GMDS: variants seen among roughly 807,000 people sequenced by gnomAD.
GMDS encodes the protein GDP-mannose 4,6-dehydratase.
A neutral mutation model predicts 49.9 loss-of-function variants in GMDS; 20 were observed. The ratio of observed to expected loss-of-function variants is 0.40; its 90% CI spans 0.28 to 0.58. GMDS has a LOEUF of 0.58. Among genes scored for constraint, GMDS ranks in the 20% least tolerant of loss-of-function variants. The pLI is 0.42. For synonymous variants in GMDS, 177 were observed against 178.6 expected (o/e 0.99, Z 0.07); for missense variants, 362 against 481.4 (o/e 0.75, Z 2.32).
chr6:1,746,631 T>C (rs1299023219), intron 7 of GMDS, among the ~76,000 whole-genome samples: 1 of 152,238 alleles, frequency 6.6e-6, no homozygotes, highest in East Asian at 1.9e-4. Context: ...TCTGTAAGTA[T>C]ATAATTAATC....
intron 7 of GMDS, among the ~76,000 whole-genome samples, chr6:1,810,016 A>AC (rs1271226400): frequency 7.9e-6 from 1 of 125,904 alleles, no homozygotes; most frequent in Non-Finnish European, 1.7e-5. Flanking sequence ...AATGTGGTTA[A>AC]CAGTTCCTTC....
At chr6:1,784,614 T>C (rs1461064612) in intron 7 of GMDS, among the ~76,000 whole-genome samples, 1 of 152,030 alleles carries the variant, frequency 6.6e-6, no homozygotes, top group Non-Finnish European at 1.5e-5. Context: ...GGGAGATGGA[T>C]GGTAGAGAAA....
chr6:1,721,629 A>C (rs1033524539), intron 9 of GMDS, among the ~76,000 whole-genome samples: 1 of 152,132 alleles, frequency 6.6e-6, no homozygotes, highest in Admixed American at 6.5e-5. Flanking sequence ...TGACTGAAAA[A>C]AATCTCTTTG....
At chr6:2,133,028 C>T (rs550717919) in intron 1 of GMDS, among the ~76,000 whole-genome samples, 1 of 152,304 alleles carries the variant, frequency 6.6e-6, no homozygotes, top group South Asian at 2.1e-4. Context: ...CCCTTTCTCA[C>T]TATCTCTCAA....
chr6:2,026,992 AAAATCCCCCAG>A (rs1296110595), intron 4 of GMDS, among the ~76,000 whole-genome samples: 2 of 152,218 alleles, frequency 1.3e-5, no homozygotes, highest in East Asian at 3.8e-4. Flanking sequence ...AATATACCAA[AAAATCCCCCAG>A]AAATTATGGA....
At chr6:1,975,536 G>A (rs943931241) in intron 4 of GMDS, among the ~76,000 whole-genome samples, 2 of 152,164 alleles carry the variant, frequency 1.3e-5, no homozygotes, top group African/African-American at 2.4e-5. Flanking sequence ...AGTAGATCCT[G>A]TCAATGGCCA....
intron 10 of GMDS, 37 bp downstream of exon 10, chr6:1,624,435 C>G: frequency 6.3e-7 from 1 of 1,577,792 alleles, no homozygotes; most frequent in Non-Finnish European, 8.7e-7. Context: ...AGCCCGGGGC[C>G]CCGCAGCGGG....
chr6:1,671,866 T>C (rs763173024), intron 9 of GMDS, among the ~76,000 whole-genome samples: 2 of 152,134 alleles, frequency 1.3e-5, no homozygotes, highest in South Asian at 2.1e-4. Context: ...GGTTTCACCA[T>C]GTTGGCCAGG....
At position 2,032,399 on chromosome 6, in the gene GMDS, T is replaced by C. The variant is rs577289976; in HGVS notation, c.346-71433A>G. On this transcript the variant is annotated intron_variant, in intron 4 of 10. Transcript: ENST00000380815. ...AATCTGCAAGCCTTCTCAGGAAATC[T>C]ACAGAATTTCATGGATATAATTTGT... Among the ~76,000 whole-genome samples the C allele has an allele frequency of 2.6e-5, 4 of 152,248 alleles. No homozygotes were observed. In the East Asian group the frequency reaches 7.7e-4, roughly 29 times the overall value.
intron 1 of GMDS, among the ~76,000 whole-genome samples, chr6:2,149,901 C>A (rs73418780): frequency 6.6e-6 from 1 of 151,836 alleles, no homozygotes; most frequent in Non-Finnish European, 1.5e-5. Context: ...CTTTCTCTTT[C>A]TTTTTTTCAT....
In GMDS at chr6:1,921,845, A is replaced by G. The variant is rs140934998; in HGVS notation, c.771+8258T>C. 3.0e-4 allele frequency among the ~76,000 whole-genome samples: 45 copies of G among 152,332 alleles called. No homozygotes were observed. The East Asian group carries it at 5.2e-3, about 18-fold the overall frequency. ...ATTTGTATTTCTTGGAATATTTTTC[A>G]AAGAGAGTATATTAAATAGCTCCAC... On this transcript the variant is annotated intron_variant, in intron 7 of 10. Transcript: ENST00000380815.
At chr6:1,909,509 T>G (rs1760941864) in intron 7 of GMDS, among the ~76,000 whole-genome samples, 1 of 152,208 alleles carries the variant, frequency 6.6e-6, no homozygotes, top group Non-Finnish European at 1.5e-5. Context: ...TTGCTGTGAG[T>G]GTAAGCTGCC....
At chr6:1,945,932 C>T (rs1194774919) in intron 6 of GMDS, among the ~76,000 whole-genome samples, 1 of 152,124 alleles carries the variant, frequency 6.6e-6, no homozygotes, top group Non-Finnish European at 1.5e-5. Context: ...AGGATAGTGT[C>T]TATAAACTAA....
chr6:2,182,810 A>G (rs568395347), intron 1 of GMDS, among the ~76,000 whole-genome samples: 1 of 152,284 alleles, frequency 6.6e-6, no homozygotes, highest in East Asian at 1.9e-4. Context: ...GGCTCAAGTC[A>G]TCCTCCCACC....
chr6:1,664,733 T>C (rs1489651352), intron 9 of GMDS, among the ~76,000 whole-genome samples: 1 of 152,210 alleles, frequency 6.6e-6, no homozygotes, highest in Non-Finnish European at 1.5e-5. Flanking sequence ...TGTTTAATAA[T>C]GTAAGCATAA....
At chr6:1,928,806 TA>T (rs1328149629) in intron 7 of GMDS, among the ~76,000 whole-genome samples, 1 of 151,882 alleles carries the variant, frequency 6.6e-6, no homozygotes, top group Non-Finnish European at 1.5e-5. Flanking sequence ...CCATCTCTGC[TA>T]AAAAAACAAA....
At chr6:1,697,962 G>A (rs377214665) in intron 9 of GMDS, among the ~76,000 whole-genome samples, 5 of 152,210 alleles carry the variant, frequency 3.3e-5, no homozygotes, top group African/African-American at 7.2e-5. Flanking sequence ...AAGTATCTCC[G>A]TAAAGTAACA....
intron 1 of GMDS, among the ~76,000 whole-genome samples, chr6:2,158,616 T>TA (rs1394812040): frequency 2.0e-5 from 3 of 152,212 alleles, no homozygotes; most frequent in African/African-American, 4.8e-5. Context: ...CACTCCTTAG[T>TA]AAAAACCTCT....
chr6:1,979,355 T>C (rs575628795), intron 4 of GMDS, among the ~76,000 whole-genome samples: 3 of 152,268 alleles, frequency 2.0e-5, no homozygotes, highest in Admixed American at 1.3e-4. Flanking sequence ...ACCAACCTGA[T>C]AGAGCTAAGC....
Sources: allele counts gnomAD v4.1 joint callset (sites outside exome capture counted in the v4.1 genomes callset), GRCh38; gene constraint gnomAD v4.1.1; transcripts MANE v1.5; gene names NCBI Gene and HGNC (gene_info 2026-07-23, HGNC 2026-07-21).